ZNF277: variants seen among roughly 807,000 people sequenced by gnomAD.
The protein encoded by ZNF277 is zinc finger protein 277.
In ZNF277, 55 loss-of-function variants were observed where a neutral mutation model predicts 60.7. That is an observed-to-expected ratio of 0.91 (90% CI 0.73 to 1.13). The LOEUF (loss-of-function observed/expected upper bound fraction) is 1.13, where lower values mean the gene tolerates loss of function less well. Among genes scored for constraint, ZNF277 ranks in the 50% most tolerant of loss-of-function variants. The pLI is 0.00. For synonymous variants in ZNF277, 178 were observed against 179.3 expected, an observed-to-expected ratio of 0.99 and a Z score of 0.06; for missense variants, 510 against 523.0, an observed-to-expected ratio of 0.98 and a Z score of 0.24.
At chr7:112,319,658 A>AAT (rs1429717270) in intron 5 of ZNF277, among the ~76,000 whole-genome samples, 1 of 147,480 alleles carries the variant, frequency 6.8e-6, no homozygotes, top group Non-Finnish European at 1.5e-5. Context: ...TAAATTATAT[A>AAT]ATATATATAA....
chr7:112,321,916 A>G (rs1020914975), intron 5 of ZNF277, among the ~76,000 whole-genome samples: 2 of 152,086 alleles, frequency 1.3e-5, no homozygotes, highest in Non-Finnish European at 2.9e-5. Context: ...GACTCTCTTC[A>G]TCTTTGCCTG....
intron 1 of ZNF277, among the ~76,000 whole-genome samples, chr7:112,283,641 G>C (rs1241576316): frequency 6.6e-6 from 1 of 152,234 alleles, no homozygotes; most frequent in Non-Finnish European, 1.5e-5. Flanking sequence ...CAGGCAGTTT[G>C]GTTCTCATAT....
chr7:112,307,052 C>T (rs1584396878), intron 4 of ZNF277, among the ~76,000 whole-genome samples: 1 of 152,078 alleles, frequency 6.6e-6, no homozygotes, highest in East Asian at 1.9e-4. Context: ...TTGGGTCCTT[C>T]TCCCAGCAGC....
intron 1 of ZNF277, among the ~76,000 whole-genome samples, chr7:112,260,293 G>C (rs1039334897): frequency 1.1e-4 from 17 of 152,126 alleles, no homozygotes; most frequent in African/African-American, 3.9e-4. Flanking sequence ...GCACCAAAAA[G>C]ATTAAAAGGA....
intron 1 of ZNF277, among the ~76,000 whole-genome samples, chr7:112,239,900 TATA>T (rs1437307986): frequency 6.6e-6 from 1 of 152,108 alleles, no homozygotes; most frequent in Non-Finnish European, 1.5e-5. Context: ...AGACAGACAG[TATA>T]ATAAGATCTA....
chr7:112,233,645 A>C lies in ZNF277; in HGVS notation c.91+26838A>C, dbSNP rs113824212. On this transcript the variant is annotated intron_variant, in intron 1 of 11. Coordinates refer to ENST00000361822, the MANE Select transcript of ZNF277 (RefSeq NM_021994.3). ...CTTTTTTCAAAGCAGAGGCACTTAAAATGGTTAGAATAGTTGGTTTTGGTT... is the reference window on the plus strand; with the variant it reads ...CTTTTTTCAAAGCAGAGGCACTTAACATGGTTAGAATAGTTGGTTTTGGTT... Among the ~76,000 whole-genome samples, 314 of 152,286 alleles carry C rather than the reference A, an allele frequency of 2.1e-3. 2 individuals are homozygous for C. Among genetic ancestry groups the C allele is most frequent in the African/African-American group, 7.2e-3 (300 of 41,546 alleles).
At chr7:112,272,327 TG>T (rs1163910091) in intron 1 of ZNF277, among the ~76,000 whole-genome samples, 1 of 152,228 alleles carries the variant, frequency 6.6e-6, no homozygotes, top group Non-Finnish European at 1.5e-5. Context: ...ATTCCTTCAT[TG>T]ACAGACACTT....
At chr7:112,320,264 A>G (rs564564447) in intron 5 of ZNF277, among the ~76,000 whole-genome samples, 35 of 152,280 alleles carry the variant, frequency 2.3e-4, no homozygotes, top group African/African-American at 8.2e-4. Context: ...TCACATAGGA[A>G]TTACATGACC....
intron 1 of ZNF277, among the ~76,000 whole-genome samples, chr7:112,282,760 C>G (rs1017701980): frequency 6.6e-6 from 1 of 152,218 alleles, no homozygotes; most frequent in East Asian, 1.9e-4. Flanking sequence ...AAGATCTAAA[C>G]TCTTATGTAT....
chr7:112,296,917 T>TTTA (rs1563219723), intron 4 of ZNF277, among the ~76,000 whole-genome samples: 1 of 59,466 alleles, frequency 1.7e-5, no homozygotes, highest in Non-Finnish European at 3.6e-5. Flanking sequence ...TATTTATTTT[T>TTTA]TTTTTTTTTT....
chr7:112,332,322 A>G (rs993524726), intron 7 of ZNF277, among the ~76,000 whole-genome samples: 3 of 152,204 alleles, frequency 2.0e-5, no homozygotes. Flanking sequence ...TTTGTGACAC[A>G]GGTATTGTCA....
chr7:112,283,648 A>T (rs1260648873), intron 1 of ZNF277, among the ~76,000 whole-genome samples: 8 of 152,212 alleles, frequency 5.3e-5, no homozygotes, highest in African/African-American at 1.7e-4. Flanking sequence ...TTTGGTTCTC[A>T]TATGTGTGAA....
intron 4 of ZNF277, among the ~76,000 whole-genome samples, chr7:112,315,689 A>G (rs1433624512): frequency 6.6e-6 from 1 of 152,166 alleles, no homozygotes; most frequent in Non-Finnish European, 1.5e-5. Context: ...AAACTTAACC[A>G]ACTTCAAATA....
intron 9 of ZNF277, among the ~76,000 whole-genome samples, chr7:112,338,564 T>G (rs1028348307): frequency 1.3e-5 from 2 of 152,186 alleles, no homozygotes; most frequent in Non-Finnish European, 2.9e-5. Flanking sequence ...CTGCCAATAG[T>G]GGACCATATT....
At chr7:112,242,569 A>T (rs796097106) in intron 1 of ZNF277, among the ~76,000 whole-genome samples, 2,212 of 137,854 alleles carry the variant, frequency 0.016, 57 homozygotes, top group East Asian at 0.091. Flanking sequence ...AAAAAAAAAA[A>T]AAAACAAAAT....
In ZNF277 at chr7:112,341,031, C is replaced by T. The variant is rs752943117; in HGVS notation, c.1169C>T (p.Thr390Met). Residue 390 changes from threonine to methionine, a missense_variant, in exon 11 of 12, where the codon ACG becomes ATG. By Grantham distance (81) the Thr-to-Met change is moderately conservative. Coordinates refer to ENST00000361822, the MANE Select transcript of ZNF277 (RefSeq NM_021994.3). ...ACTTCGCTGCTCCCCGATAGAAAGA[C>T]GTGGGATCAACTGGAGTACGTACTG... Reference protein sequence around the residue: ...KHTSLLPDRKTWDQLEYYFPT... With the variant: ...KHTSLLPDRKMWDQLEYYFPT... 5.0e-6 allele frequency: 8 copies of T among 1,602,572 alleles called. No homozygotes were observed. The East Asian group carries it at 1.6e-4, about 31-fold the overall frequency.
intron 7 of ZNF277, among the ~76,000 whole-genome samples, chr7:112,334,105 T>A (rs1423120019): frequency 6.6e-6 from 1 of 152,228 alleles, no homozygotes; most frequent in African/African-American, 2.4e-5. Context: ...TTTTTATAGT[T>A]TTCTCTAGTG....
intron 1 of ZNF277, among the ~76,000 whole-genome samples, chr7:112,219,334 G>T (rs1015830405): frequency 6.6e-6 from 1 of 152,094 alleles, no homozygotes; most frequent in African/African-American, 2.4e-5. Flanking sequence ...TTTTCTTCTA[G>T]GAGTTTTACA....
At chr7:112,319,657 T>A (rs1792929740) in intron 5 of ZNF277, among the ~76,000 whole-genome samples, 1 of 147,326 alleles carries the variant, frequency 6.8e-6, no homozygotes, top group South Asian at 2.1e-4. Context: ...ATAAATTATA[T>A]AATATATATA....
Sources: gnomAD v4.1 joint callset for allele counts (sites outside exome capture counted in the v4.1 genomes callset) on GRCh38, gnomAD v4.1.1 for gene constraint, MANE v1.5 for transcripts, NCBI Gene and HGNC (gene_info 2026-07-23, HGNC 2026-07-21) for gene names.